LAMC2: variants seen among roughly 807,000 people sequenced by gnomAD.
LAMC2 encodes the protein laminin subunit gamma 2.
A neutral mutation model predicts 140.2 loss-of-function variants in LAMC2; 97 were observed. The observed-to-expected ratio is 0.69, with a 90% CI of 0.59 to 0.82. The LOEUF (loss-of-function observed/expected upper bound fraction) is 0.82. LAMC2 is among the 40% of genes least tolerant of loss of function. LAMC2 has a pLI of 0.00. For missense variants in LAMC2, 1,402 were observed against 1,476.1 expected (o/e 0.95, Z 0.82); for synonymous variants, 513 against 540.2 (o/e 0.95, Z 0.70).
intron 1 of LAMC2, among the ~76,000 whole-genome samples, chr1:183,194,726 A>G (rs1284887930): frequency 1.3e-5 from 2 of 152,106 alleles, no homozygotes; most frequent in Admixed American, 1.3e-4. Flanking sequence ...GATTCCCTTT[A>G]TTTCAACTGC....
intron 21 of LAMC2, 22 bp downstream of exon 21, chr1:183,240,220 CG>C (rs780629171): frequency 1.2e-6 from 2 of 1,614,180 alleles, no homozygotes; most frequent in Admixed American, 3.3e-5. Context: ...TTGCTTTCCA[CG>C]GGAGATCCCT....
the LAMC2 span, chr1:183,252,483 T>C: frequency 4.6e-6 from 2 of 433,588 alleles, no homozygotes; most frequent in Non-Finnish European, 9.2e-6. Flanking sequence ...GAATAGGGAA[T>C]GCCATGGTTC....
chr1:183,204,669 T>C (rs1339282356), intron 1 of LAMC2, among the ~76,000 whole-genome samples: 1 of 151,976 alleles, frequency 6.6e-6, no homozygotes, highest in Non-Finnish European at 1.5e-5. Flanking sequence ...AGGACACCTA[T>C]TATTTTCAAA....
intron 9 of LAMC2, 147 bp downstream of exon 9, chr1:183,227,063 C>T: frequency 4.5e-6 from 3 of 669,908 alleles, no homozygotes; most frequent in Admixed American, 2.7e-5. Context: ...GGACATGGTG[C>T]CTTATTACAC....
intron 1 of LAMC2, among the ~76,000 whole-genome samples, chr1:183,206,532 C>G (rs1288587403): frequency 6.6e-6 from 1 of 151,848 alleles, no homozygotes; most frequent in Non-Finnish European, 1.5e-5. Context: ...ATAATCCCAG[C>G]TACTTGGGAG....
chr1:183,233,710 AT>A (rs1419654829), intron 14 of LAMC2, among the ~76,000 whole-genome samples: 1 of 152,156 alleles, frequency 6.6e-6, no homozygotes, highest in African/African-American at 2.4e-5. Context: ...CATATAAAAA[AT>A]GTACATGTAT....
chr1:183,190,527 C>G (rs916456786), intron 1 of LAMC2, among the ~76,000 whole-genome samples: 10 of 152,048 alleles, frequency 6.6e-5, no homozygotes, highest in African/African-American at 2.4e-4. Context: ...CACACAGATT[C>G]AGCAAATCTA....
Position 183,207,925 on chromosome 1 carries a change from G to A in LAMC2, c.124G>A (p.Glu42Lys), listed in dbSNP as rs1406578480. The change falls in exon 2 of 23, where the codon GAA (glutamate) becomes AAA (lysine). Residue 42 changes from glutamate (E) to lysine (K), a missense_variant. Glu to Lys is a moderately conservative substitution (Grantham distance 56, BLOSUM62 1). Coordinates refer to ENST00000264144, the MANE Select transcript of LAMC2 (RefSeq NM_005562.3). ...GKSRQCIFDR[E>K]LHRQTGNGFR... is the part of the protein sequence containing the mutation. ...GTCCAGGCAGTGTATCTTTGATCGG[G>A]AACTTCACAGACAAACTGGTAATGG... 1.2e-6 allele frequency: 2 copies of A among 1,613,570 alleles called. No homozygotes were observed. Among genetic ancestry groups the A allele is most frequent in the South Asian group, 1.1e-5 (1 of 91,058 alleles).
chr1:183,227,781 T>G (rs1659675572), intron 10 of LAMC2, 84 bp downstream of exon 10: 4 of 1,284,936 alleles, frequency 3.1e-6, no homozygotes, highest in Admixed American at 3.8e-5. Context: ...TTCCGAGGAA[T>G]TCCTAGGAAA....
In LAMC2 at chr1:183,191,097, T is replaced by G. The variant is rs532451908; in HGVS notation, c.79+4666T>G. Reference sequence around the variant, plus strand: ...CTCCAATACATTGATTGAGGTCATTTTAGCTTAATGTATCTTCCCCAAACA... The same window carrying G: ...CTCCAATACATTGATTGAGGTCATTGTAGCTTAATGTATCTTCCCCAAACA... On this transcript the variant is annotated intron_variant, in intron 1 of 22. Transcript: ENST00000264144. Among the ~76,000 whole-genome samples, 33 of 152,370 alleles carry G rather than the reference T, an allele frequency of 2.2e-4. 1 individual carries two copies. Among genetic ancestry groups the G allele is most frequent in the African/African-American group, 7.7e-4 (32 of 41,592 alleles).
At chr1:183,253,965 ATTTTCT>A in the LAMC2 span, among the ~76,000 whole-genome samples, 1 of 149,560 alleles carries the variant, frequency 6.7e-6, no homozygotes, top group Non-Finnish European at 1.5e-5. Context: ...GTAAGAACAC[ATTTTCT>A]TTATCTATTC....
intron 1 of LAMC2, among the ~76,000 whole-genome samples, chr1:183,196,142 A>ATTT (rs34105869): frequency 6.7e-6 from 1 of 148,252 alleles, no homozygotes; most frequent in African/African-American, 2.5e-5. Context: ...GATAAAAATG[A>ATTT]TTTTTTTTTT....
In LAMC2 at chr1:183,207,833, G is replaced by GTGTTTT. The variant is rs562145311; in HGVS notation, c.80-46_80-41dup. Reference sequence around the variant, plus strand: ...AACACCTGCTAGAACAGTTCCTGAGGTGTTTTTTTTTTTTTTTGACGATCT... The same window carrying GTGTTTT: ...AACACCTGCTAGAACAGTTCCTGAGGTGTTTTTGTTTTTTTTTTTTTTTGACGATCT... On this transcript the variant is annotated intron_variant, in intron 1 of 22. Coordinates refer to ENST00000264144, the MANE Select transcript of LAMC2 (RefSeq NM_005562.3). 90 of 1,074,104 alleles carry GTGTTTT rather than the reference G, an allele frequency of 8.4e-5. No individual in the cohort carries two copies. The African/African-American group carries it at 2.0e-3, about 24-fold the overall frequency. 66.5% of individuals were successfully genotyped at this position (1,074,104 alleles called of 1,614,324 possible). A position where few individuals can be genotyped will look rare whatever the true frequency, so the allele number is the denominator to read the frequency against.
intron 9 of LAMC2, 39 bp from the exon 10 acceptor site, chr1:183,227,476 G>C: frequency 1.3e-6 from 2 of 1,552,056 alleles, no homozygotes; most frequent in South Asian, 2.2e-5. Context: ...GTCTGACCCT[G>C]CTCACTTCTC....
chr1:183,253,050 A>G, the LAMC2 span, among the ~76,000 whole-genome samples: 2 of 152,062 alleles, frequency 1.3e-5, no homozygotes, highest in Non-Finnish European at 2.9e-5. Flanking sequence ...TATTCAAAGG[A>G]TTAAATGAGT....
chr1:183,198,097 T>A (rs1658578926), intron 1 of LAMC2, among the ~76,000 whole-genome samples: 1 of 151,270 alleles, frequency 6.6e-6, no homozygotes, highest in South Asian at 2.1e-4. Context: ...CCCTTTCCTC[T>A]AAATAAGAAA....
intron 2 of LAMC2, among the ~76,000 whole-genome samples, chr1:183,212,276 C>T (rs1164116886): frequency 6.6e-6 from 1 of 152,168 alleles, no homozygotes; most frequent in Non-Finnish European, 1.5e-5. Flanking sequence ...TTCTATTTAA[C>T]ATTACTTATC....
At chr1:183,240,434 AG>A (rs1660101202) in intron 22 of LAMC2, 43 bp downstream of exon 22, 1 of 1,611,690 alleles carries the variant, frequency 6.2e-7, no homozygotes, top group South Asian at 1.1e-5. Flanking sequence ...TCCATGCTCC[AG>A]GGCTTTGCTC....
chr1:183,252,611 G>A, the LAMC2 span: 6 of 1,413,390 alleles, frequency 4.2e-6, no homozygotes, highest in Non-Finnish European at 6.0e-6. Context: ...AGATGGAGGG[G>A]CCATTGTGTT....
Sources: gnomAD v4.1 joint callset for allele counts (sites outside exome capture counted in the v4.1 genomes callset) on GRCh38, gnomAD v4.1.1 for gene constraint, MANE v1.5 for transcripts, NCBI Gene and HGNC (gene_info 2026-07-23, HGNC 2026-07-21) for gene names.